LRRN1: variants seen among roughly 807,000 people sequenced by gnomAD.
The protein encoded by LRRN1 is leucine-rich repeat neuronal protein 1.
A neutral mutation model predicts 45.8 loss-of-function variants in LRRN1; 14 were observed. That is an observed-to-expected ratio of 0.31 (90% CI 0.20 to 0.48). The LOEUF (loss-of-function observed/expected upper bound fraction) is 0.48, where lower values mean the gene tolerates loss of function less well. LRRN1 is among the 20% of genes least tolerant of loss of function. LRRN1 has a pLI of 0.99. For missense variants in LRRN1, 789 were observed against 874.2 expected (o/e 0.90, Z 1.23); for synonymous variants, 359 against 330.1 (o/e 1.09, Z -0.95).
In LRRN1 at chr3:3,799,469, G is replaced by T. The variant is rs1177814065; in HGVS notation, c.-729G>T. The T allele has an allele frequency of 6.6e-6, 1 of 151,936 alleles. No individual in the cohort carries two copies. Among genetic ancestry groups the T allele is most frequent in the African/African-American group, 2.4e-5 (1 of 41,392 alleles). 9.4% of individuals were successfully genotyped at this position (151,936 alleles called of 1,614,324 possible). On this transcript the variant is annotated 5_prime_UTR_variant, in exon 1 of 2. Transcript: ENST00000319331. The stretch of plus-strand genomic sequence containing the variant: ...GGCGCACCGCGGGCGCCGGCAACGA[G>T]CCGGTGAACGAGGCGAGGCCCGTGC...
chr3:3,829,309 A>T (rs1693312400), intron 1 of LRRN1, among the ~76,000 whole-genome samples: 1 of 152,134 alleles, frequency 6.6e-6, no homozygotes, highest in Non-Finnish European at 1.5e-5. Flanking sequence ...TTCCAGTTTC[A>T]TGGAATCGTT....
At chr3:3,800,165 A>T (rs1692615382) in intron 1 of LRRN1, among the ~76,000 whole-genome samples, 1 of 142,768 alleles carries the variant, frequency 7.0e-6, no homozygotes, top group African/African-American at 2.6e-5. Context: ...AAGGTGTGGG[A>T]GAGCGATAGT....
In LRRN1 at chr3:3,799,901, C is replaced by T. The variant is rs1692606816; in HGVS notation, c.-297C>T. On this transcript the variant is annotated 5_prime_UTR_variant, in exon 1 of 2. Coordinates refer to ENST00000319331, the MANE Select transcript of LRRN1 (RefSeq NM_020873.7). Reference sequence around the variant, plus strand: ...CGGGTCCGCGCGCACCCCAACACCCCCACCAGCTGGGCCTCGGGGTAAGTC... The same window carrying T: ...CGGGTCCGCGCGCACCCCAACACCCTCACCAGCTGGGCCTCGGGGTAAGTC... 6.3e-6 allele frequency: 1 copy of T among 158,096 alleles called. No homozygotes were observed. The highest frequency in any genetic ancestry group is 1.4e-5 in the Non-Finnish European group (1 of 71,718). 9.8% of individuals were successfully genotyped at this position (158,096 alleles called of 1,614,324 possible).
chr3:3,824,998 G>C (rs1693187079), intron 1 of LRRN1, among the ~76,000 whole-genome samples: 1 of 152,132 alleles, frequency 6.6e-6, no homozygotes, highest in South Asian at 2.1e-4. Flanking sequence ...GCTTGCTTTT[G>C]ATCAGTTGAA....
chr3:3,827,494 C>A, intron 1 of LRRN1: 1 of 456,600 alleles, frequency 2.2e-6, no homozygotes, highest in Non-Finnish European at 4.4e-6. Context: ...TTGAGGCAAT[C>A]TATTTTTCTT....
At chr3:3,829,388 C>T (rs977810156) in intron 1 of LRRN1, among the ~76,000 whole-genome samples, 4 of 152,078 alleles carry the variant, frequency 2.6e-5, no homozygotes, top group African/African-American at 4.8e-5. Flanking sequence ...AATGTAATGT[C>T]GTGGGAATAG....
intron 1 of LRRN1, among the ~76,000 whole-genome samples, chr3:3,840,236 G>T (rs1299597208): frequency 4.6e-5 from 7 of 152,156 alleles, no homozygotes; most frequent in African/African-American, 1.7e-4. Context: ...AGATGATCAT[G>T]TGTTTTTACT....
At chr3:3,810,159 T>A (rs1692845529) in intron 1 of LRRN1, among the ~76,000 whole-genome samples, 1 of 152,194 alleles carries the variant, frequency 6.6e-6, no homozygotes, top group African/African-American at 2.4e-5. Flanking sequence ...TGTATCCCAC[T>A]CTCTCTTTTC....
At position 3,849,190 on chromosome 3, in the gene LRRN1, C is replaced by A. The variant is rs1435114439; in HGVS notation, c.*2398C>A. ...CATAAAGCAAACATTTGAACTTACA[C>A]AGAATGAGCACTTAAATACGGGTGC... On this transcript the variant is annotated 3_prime_UTR_variant, in exon 2 of 2. Transcript: ENST00000319331. 6.6e-6 allele frequency among the ~76,000 whole-genome samples: 1 copy of A among 152,170 alleles called. No individual in the cohort carries two copies. Among genetic ancestry groups the A allele is most frequent in the Non-Finnish European group, 1.5e-5 (1 of 68,028 alleles).
chr3:3,809,681 C>T (rs1256450826), intron 1 of LRRN1, among the ~76,000 whole-genome samples: 1 of 152,190 alleles, frequency 6.6e-6, no homozygotes, highest in Non-Finnish European at 1.5e-5. Context: ...TTCAGAACTG[C>T]TTCTCAGCTC....
At chr3:3,805,411 T>C (rs867976360) in intron 1 of LRRN1, among the ~76,000 whole-genome samples, 11 of 152,218 alleles carry the variant, frequency 7.2e-5, no homozygotes, top group African/African-American at 2.4e-4. Flanking sequence ...AATCAAGTAC[T>C]GTACAGAGAA....
At chr3:3,828,378 G>GT (rs1693277903) in intron 1 of LRRN1, among the ~76,000 whole-genome samples, 1 of 151,688 alleles carries the variant, frequency 6.6e-6, no homozygotes, top group African/African-American at 2.4e-5. Context: ...TCTTTTTCAC[G>GT]TTTTTCTGCC....
Position 3,841,246 on chromosome 3 carries a change from G to A in LRRN1, c.-278-3118G>A, listed in dbSNP as rs537424185. 2.2e-3 allele frequency among the ~76,000 whole-genome samples: 307 copies of A among 139,896 alleles called. 1 individual carries two copies. Among genetic ancestry groups the A allele is most frequent in the South Asian group, 6.1e-3 (27 of 4,410 alleles). The allele number at this position is 139,896 out of a possible 152,430, so 91.8% of individuals were successfully genotyped here. A position where few individuals can be genotyped will look rare whatever the true frequency, so the allele number is the denominator to read the frequency against. ...GCAGAGGTTGCAGTGAGCCGAGATC[G>A]CACCACTGCACTCCAGCCTGGGCGA... On this transcript the variant is annotated intron_variant, in intron 1 of 1. Transcript: ENST00000319331.
intron 1 of LRRN1, among the ~76,000 whole-genome samples, chr3:3,808,550 G>T (rs1049938973): frequency 6.6e-6 from 1 of 152,184 alleles, no homozygotes; most frequent in Non-Finnish European, 1.5e-5. Flanking sequence ...TCCAGGCAGA[G>T]CATTTTCAAG....
At chr3:3,841,809 C>T (rs774915092) in intron 1 of LRRN1, among the ~76,000 whole-genome samples, 2 of 152,160 alleles carry the variant, frequency 1.3e-5, no homozygotes, top group Non-Finnish European at 2.9e-5. Context: ...TGAGCCACCG[C>T]GCCCGGCCTG....
chr3:3,822,675 G>A (rs1358809799), intron 1 of LRRN1: 1 of 152,122 alleles, frequency 6.6e-6, no homozygotes, highest in Non-Finnish European at 1.5e-5. Flanking sequence ...CTAATAACTA[G>A]AATGCAAATA....
In LRRN1 at chr3:3,812,946, A is replaced by G. The variant is rs577010308; in HGVS notation, c.-279+13027A>G. ...TAGCTTATTTTATTTTCTGCTCCTC[A>G]TAACCTTTTTCTCCCTGTACTACAC... On this transcript the variant is annotated intron_variant, in intron 1 of 1. Coordinates refer to ENST00000319331, the MANE Select transcript of LRRN1 (RefSeq NM_020873.7). Among the ~76,000 whole-genome samples, 8 of 152,230 alleles carry G rather than the reference A, an allele frequency of 5.3e-5. No homozygotes were observed. The South Asian group carries it at 1.7e-3, about 32-fold the overall frequency.
chr3:3,807,761 C>T (rs1339401623), intron 1 of LRRN1, among the ~76,000 whole-genome samples: 1 of 152,072 alleles, frequency 6.6e-6, no homozygotes, highest in Non-Finnish European at 1.5e-5. Flanking sequence ...ACTCATCAGA[C>T]CATCAGAGAA....
rs1046240342 is a variant in LRRN1 at position 3,816,565 on chromosome 3, T to A, written c.-279+16646T>A. Among the ~76,000 whole-genome samples, 15 of 152,124 alleles carry A rather than the reference T, an allele frequency of 9.9e-5. No homozygotes were observed. Among genetic ancestry groups the A allele is most frequent in the African/African-American group, 3.4e-4 (14 of 41,428 alleles). ...AAAAAAATATTCCAATATGAGTTCA[T>A]TATTAGGGCCTTGAAGAAAACTATG... On this transcript the variant is annotated intron_variant, in intron 1 of 1. Transcript: ENST00000319331. The surrounding 1 kb of genome is among the most constrained non-coding windows in gnomAD (Gnocchi z 4.0).
Sources: gnomAD v4.1 joint callset for allele counts (sites outside exome capture counted in the v4.1 genomes callset) on GRCh38, gnomAD v4.1.1 for gene constraint, Gnocchi (gnomAD v3.1) non-coding constraint, MANE v1.5 for transcripts, NCBI Gene and HGNC (gene_info 2026-07-23, HGNC 2026-07-21) for gene names.